Variants in HOMER2 observed in about 807,000 individuals in gnomAD.
The protein encoded by HOMER2 is homer protein homolog 2.
Under a neutral mutation model 47.0 loss-of-function variants are expected in HOMER2, and 27 were observed. The observed-to-expected ratio is 0.57, with a 90% CI of 0.42 to 0.79. The LOEUF (loss-of-function observed/expected upper bound fraction) is 0.79, where lower values mean the gene tolerates loss of function less well. Among genes scored for constraint, HOMER2 ranks in the 30% least tolerant of loss-of-function variants. The probability of loss-of-function intolerance (pLI) is 0.00; values close to 1 mark genes in which losing one functional copy is unlikely to be tolerated. For synonymous variants in HOMER2, 161 were observed against 163.8 expected, an observed-to-expected ratio of 0.98 and a Z score of 0.13; for missense variants, 443 against 435.0, an observed-to-expected ratio of 1.02 and a Z score of -0.16.
chr15:82,871,588 G>A (rs2052176942), intron 3 of HOMER2, among the ~76,000 whole-genome samples: 1 of 152,160 alleles, frequency 6.6e-6, no homozygotes, highest in Non-Finnish European at 1.5e-5. Flanking sequence ...TGAAACATTT[G>A]GACAAAGGGG....
intron 1 of HOMER2, among the ~76,000 whole-genome samples, chr15:82,927,710 C>T (rs2151187145): frequency 6.6e-6 from 1 of 152,176 alleles, no homozygotes; most frequent in Non-Finnish European, 1.5e-5. Context: ...GTGGCTCACG[C>T]CTGTAATCCC....
At chr15:82,897,106 G>A (rs558924572) in intron 1 of HOMER2, among the ~76,000 whole-genome samples, 94 of 121,624 alleles carry the variant, frequency 7.7e-4, no homozygotes, top group Middle Eastern at 8.6e-3. Context: ...TCACTCTGTC[G>A]CCCAAGCTGG....
Position 82,929,752 on chromosome 15 carries a change from C to T in HOMER2, c.5+22779G>A, listed in dbSNP as rs748062597. ...CAGTTTTGTTGTTTTTTTTTTGAGA[C>T]GGAGTTTCGCTCTTGTTGCCCAGGC... On this transcript the variant is annotated intron_variant, in intron 1 of 8. Coordinates refer to ENST00000450735, the MANE Select transcript of HOMER2 (RefSeq NM_004839.4). 4.0e-5 allele frequency among the ~76,000 whole-genome samples: 6 copies of T among 149,306 alleles called. No homozygotes were observed. In the East Asian group the frequency reaches 5.9e-4, roughly 15 times the overall value.
chr15:82,852,018 C>G (rs7183412), intron 7 of HOMER2, 124 bp downstream of exon 7: 2 of 649,398 alleles, frequency 3.1e-6, no homozygotes, highest in East Asian at 5.5e-5. Context: ...GCTCCCAGCT[C>G]TCTCTCCGTG....
intron 5 of HOMER2, among the ~76,000 whole-genome samples, chr15:82,858,470 A>AT (rs1203328357): frequency 6.6e-6 from 1 of 151,726 alleles, no homozygotes; most frequent in Non-Finnish European, 1.5e-5. Flanking sequence ...TTTTTAAAAT[A>AT]TTTTTTCTAG....
chr15:82,905,771 G>T (rs961514472), intron 1 of HOMER2, among the ~76,000 whole-genome samples: 3 of 152,140 alleles, frequency 2.0e-5, no homozygotes, highest in Non-Finnish European at 2.9e-5. Flanking sequence ...ATACAAAAAT[G>T]GATGCAGTTT....
intron 1 of HOMER2, among the ~76,000 whole-genome samples, chr15:82,960,205 G>C (rs929162994): frequency 6.6e-6 from 1 of 152,176 alleles, no homozygotes; most frequent in East Asian, 1.9e-4. Flanking sequence ...CTCTCAAGAG[G>C]GGGAGAAGCA....
intron 3 of HOMER2, among the ~76,000 whole-genome samples, chr15:82,870,892 T>C (rs2151060469): frequency 6.6e-6 from 1 of 152,362 alleles, no homozygotes; most frequent in East Asian, 1.9e-4. Flanking sequence ...GGGCAGAATA[T>C]GTTTCCTTCT....
At chr15:82,903,857 C>T (rs2053206742) in intron 1 of HOMER2, among the ~76,000 whole-genome samples, 1 of 152,102 alleles carries the variant, frequency 6.6e-6, no homozygotes, top group South Asian at 2.1e-4. Context: ...TAGCTGGGGG[C>T]TGGGCATGGT....
Position 82,851,187 on chromosome 15 carries a change from G to C in HOMER2, c.807C>G (p.Leu269=), listed in dbSNP as rs1467429722. 2 of 1,574,998 alleles carry C rather than the reference G, an allele frequency of 1.3e-6. No individual in the cohort carries two copies. Among genetic ancestry groups the C allele is most frequent in the Non-Finnish European group, 8.6e-7 (1 of 1,158,470 alleles). The change falls in exon 8 of 9, where the codon CTC becomes CTG. Residue 269 remains leucine (L), a synonymous_variant. Coordinates refer to ENST00000450735, the MANE Select transcript of HOMER2 (RefSeq NM_004839.4). Reference sequence around the variant, plus strand: ...CAGAGACATATTCGCACTCTGACATGAGCTGAGGTATGATTTCACTTTGTT... The same window carrying C: ...CAGAGACATATTCGCACTCTGACATCAGCTGAGGTATGATTTCACTTTGTT... The part of the protein sequence containing the change: ...LRKQSEIIPQ[L]MSECEYVSEK...
intron 2 of HOMER2, among the ~76,000 whole-genome samples, chr15:82,877,417 G>A (rs1027494004): frequency 2.6e-5 from 4 of 152,054 alleles, no homozygotes; most frequent in Non-Finnish European, 5.9e-5. Flanking sequence ...TGATCCGCCC[G>A]CCTTGGCCTC....
intron 4 of HOMER2, among the ~76,000 whole-genome samples, chr15:82,860,881 G>A (rs1360360129): frequency 6.6e-5 from 10 of 151,190 alleles, no homozygotes; most frequent in African/African-American, 2.2e-4. Flanking sequence ...AGGTTGCAGT[G>A]AGCCGAGATC....
At chr15:82,944,473 A>C (rs1367135968) in intron 1 of HOMER2, among the ~76,000 whole-genome samples, 1 of 152,110 alleles carries the variant, frequency 6.6e-6, no homozygotes, top group Non-Finnish European at 1.5e-5. Context: ...CCCTGGGGGG[A>C]AAAAACAAAG....
intron 1 of HOMER2, among the ~76,000 whole-genome samples, chr15:82,940,836 G>A (rs1381868562): frequency 6.6e-6 from 1 of 151,830 alleles, no homozygotes; most frequent in Non-Finnish European, 1.5e-5. Flanking sequence ...AGGCTGCAGT[G>A]AGCTATGATT....
rs75933412 is a variant in HOMER2, at chr15:82,892,845, C to G, written c.6-4G>C. On this transcript the variant is annotated splice_region_variant and splice_polypyrimidine_tract_variant and intron_variant, in intron 1 of 8. Coordinates refer to ENST00000450735, the MANE Select transcript of HOMER2 (RefSeq NM_004839.4). The stretch of plus-strand genomic sequence containing the variant: ...GGTGGTGAAGATGGGCTGTTCTCTG[C>G]AATAAGAGAGTGGGCGTGTGAGTTG... 10,146 of 1,555,928 alleles carry G rather than the reference C, an allele frequency of 6.5e-3. 905 individuals are homozygous for G. In the Admixed American group the frequency reaches 0.15, roughly 23 times the overall value.
downstream of HOMER2, chr15:82,834,835 C>G (rs1025512003): frequency 1.3e-5 from 2 of 152,116 alleles, no homozygotes; most frequent in African/African-American, 4.8e-5. Context: ...AAAATTTTAG[C>G]TAAACATTTG....
intron 1 of HOMER2, among the ~76,000 whole-genome samples, chr15:82,907,396 A>T (rs953778526): frequency 1.2e-4 from 18 of 151,454 alleles, no homozygotes; most frequent in African/African-American, 4.4e-4. Flanking sequence ...AGGAAAGGAA[A>T]GAGAAAGAGA....
chr15:82,942,088 C>T (rs1271349340), intron 1 of HOMER2, among the ~76,000 whole-genome samples: 2 of 152,200 alleles, frequency 1.3e-5, no homozygotes, highest in African/African-American at 4.8e-5. Context: ...CCTCTTTATC[C>T]TTCAAGATTT....
chr15:82,875,509 C>T, intron 2 of HOMER2, 105 bp from the exon 3 acceptor site: 1 of 1,214,290 alleles, frequency 8.2e-7, no homozygotes, highest in Non-Finnish European at 1.2e-6. Context: ...AGCCTGTATC[C>T]TCTGCCCTGT....
Sources: allele counts gnomAD v4.1 joint callset (sites outside exome capture counted in the v4.1 genomes callset), GRCh38; gene constraint gnomAD v4.1.1; transcripts MANE v1.5; gene names NCBI Gene and HGNC (gene_info 2026-07-23, HGNC 2026-07-21).